The following PACRG variants were observed in gnomAD, a reference collection of about 807,000 sequenced individuals.
PACRG encodes the protein parkin coregulated gene protein.
PACRG carries 29 observed loss-of-function variants against 29.7 expected under a neutral mutation model. That is an observed-to-expected ratio of 0.98 (90% CI 0.73 to 1.33). The LOEUF is 1.33. PACRG is among the 40% of genes most tolerant of loss of function. The probability of loss-of-function intolerance (pLI) is 0.00; values close to 1 mark genes in which losing one functional copy is unlikely to be tolerated. For synonymous variants in PACRG, 116 were observed against 118.7 expected (o/e 0.98, Z 0.15); for missense variants, 279 against 316.2 (o/e 0.88, Z 0.89).
At chr6:163,096,445 G>A (rs941487812) in intron 4 of PACRG, among the ~76,000 whole-genome samples, 20 of 152,228 alleles carry the variant, frequency 1.3e-4, no homozygotes, top group Admixed American at 4.6e-4. Flanking sequence ...GATAATTTGT[G>A]GAGAAACAAG....
At chr6:162,942,649 A>G (rs753111486) in intron 2 of PACRG, among the ~76,000 whole-genome samples, 4 of 152,162 alleles carry the variant, frequency 2.6e-5, no homozygotes, top group Non-Finnish European at 5.9e-5. Flanking sequence ...ATTTGTCATA[A>G]TTAAAGCCCA....
chr6:162,924,347 A>G (rs778329896), intron 2 of PACRG, among the ~76,000 whole-genome samples: 2 of 151,872 alleles, frequency 1.3e-5, no homozygotes, highest in Admixed American at 1.3e-4. Context: ...GAACATTTTG[A>G]TTTCCTCTTT....
chr6:163,298,875 C>T (rs996992362), intron 4 of PACRG, among the ~76,000 whole-genome samples: 7 of 152,308 alleles, frequency 4.6e-5, no homozygotes, highest in Admixed American at 1.3e-4. Flanking sequence ...TCTCCCAAGC[C>T]GACTTCTCCA....
intron 2 of PACRG, among the ~76,000 whole-genome samples, chr6:163,027,125 A>T (rs1180283457): frequency 6.6e-6 from 1 of 152,232 alleles, no homozygotes; most frequent in Non-Finnish European, 1.5e-5. Context: ...GTGGATTTGA[A>T]TGAAAATGCA....
At chr6:162,829,132 A>G (rs911274211) in intron 2 of PACRG, among the ~76,000 whole-genome samples, 1 of 152,242 alleles carries the variant, frequency 6.6e-6, no homozygotes, top group African/African-American at 2.4e-5. Context: ...TTTTGAAAGT[A>G]AAATCGTTAC....
At chr6:162,759,419 C>T (rs1281865688) in intron 1 of PACRG, among the ~76,000 whole-genome samples, 1 of 152,176 alleles carries the variant, frequency 6.6e-6, no homozygotes, top group Non-Finnish European at 1.5e-5. Context: ...CCTCAGACTT[C>T]TGAGAATATT....
At chr6:162,894,373 C>A (rs1795008151) in intron 2 of PACRG, among the ~76,000 whole-genome samples, 1 of 152,236 alleles carries the variant, frequency 6.6e-6, no homozygotes, top group Admixed American at 6.5e-5. Flanking sequence ...AAAGTAAGAC[C>A]AAGTTGACTA....
chr6:162,934,974 T>A (rs1205059487), intron 2 of PACRG, among the ~76,000 whole-genome samples: 2 of 152,190 alleles, frequency 1.3e-5, no homozygotes, highest in Non-Finnish European at 2.9e-5. Flanking sequence ...GGCTGATAGT[T>A]GTTGTTTTTT....
chr6:162,820,148 T>C (rs1386622348), intron 2 of PACRG, among the ~76,000 whole-genome samples: 2 of 152,204 alleles, frequency 1.3e-5, no homozygotes, highest in African/African-American at 2.4e-5. Context: ...TATGTTGCAC[T>C]TGAACACCCA....
chr6:163,001,534 A>T (rs954993968), intron 2 of PACRG, among the ~76,000 whole-genome samples: 1 of 152,170 alleles, frequency 6.6e-6, no homozygotes, highest in East Asian at 1.9e-4. Context: ...AGAAAGAGAA[A>T]ACCACAGGTC....
chr6:162,953,959 T>G (rs1158475426), intron 2 of PACRG, among the ~76,000 whole-genome samples: 1 of 152,206 alleles, frequency 6.6e-6, no homozygotes, highest in African/African-American at 2.4e-5. Flanking sequence ...TAATGTAGAA[T>G]ACCAATTTTT....
At chr6:163,224,236 A>G (rs1331840005) in intron 4 of PACRG, among the ~76,000 whole-genome samples, 1 of 151,612 alleles carries the variant, frequency 6.6e-6, no homozygotes, top group Non-Finnish European at 1.5e-5. Flanking sequence ...AGGCACAGTG[A>G]CAGGCACCTG....
intron 1 of PACRG, among the ~76,000 whole-genome samples, chr6:162,782,268 T>C (rs1584336512): frequency 1.3e-5 from 2 of 151,838 alleles, no homozygotes; most frequent in East Asian, 3.9e-4. Flanking sequence ...AATATATAAA[T>C]CCACAATGAT....
At chr6:162,886,477 G>T (rs1584659492) in intron 2 of PACRG, among the ~76,000 whole-genome samples, 2 of 152,120 alleles carry the variant, frequency 1.3e-5, no homozygotes, top group East Asian at 3.9e-4. Flanking sequence ...CAATCACATG[G>T]CACGCGTCTC....
intron 3 of PACRG, among the ~76,000 whole-genome samples, chr6:163,083,319 A>T (rs1813249503): frequency 6.6e-6 from 1 of 152,138 alleles, no homozygotes; most frequent in African/African-American, 2.4e-5. Flanking sequence ...AAAGAATGTT[A>T]ACTGTTTGTG....
At chr6:163,014,520 T>A (rs1254472737) in intron 2 of PACRG, among the ~76,000 whole-genome samples, 2 of 32 alleles carry the variant, frequency 0.062, no homozygotes, top group Non-Finnish European at 0.083. Context: ...CAACATGTAT[T>A]TTTTTTTTTT....
At chr6:163,080,660 G>C (rs533675738) in intron 3 of PACRG, among the ~76,000 whole-genome samples, 1 of 152,130 alleles carries the variant, frequency 6.6e-6, no homozygotes, top group Non-Finnish European at 1.5e-5. Context: ...ATGTCATGGA[G>C]AGAATGGCCA....
At chr6:162,765,034 G>A (rs547006636) in intron 1 of PACRG, among the ~76,000 whole-genome samples, 3 of 151,926 alleles carry the variant, frequency 2.0e-5, no homozygotes, top group Non-Finnish European at 2.9e-5. Context: ...GTGAGCCACC[G>A]TGCCCGGCCT....
chr6:163,100,629 C>T, intron 4 of PACRG: 1 of 326,338 alleles, frequency 3.1e-6, no homozygotes, highest in Non-Finnish European at 4.4e-6. Flanking sequence ...GAGGGACCCT[C>T]GTGTCAGCTC....
Sources: allele counts gnomAD v4.1 joint callset (sites outside exome capture counted in the v4.1 genomes callset), GRCh38; gene constraint gnomAD v4.1.1; transcripts MANE v1.5; gene names NCBI Gene and HGNC (gene_info 2026-07-23, HGNC 2026-07-21).